Variants in CERS6 observed in about 807,000 individuals in gnomAD.
CERS6 encodes the protein ceramide synthase 6.
CERS6 carries 26 observed loss-of-function variants against 56.8 expected under a neutral mutation model. That is an observed-to-expected ratio of 0.46 (90% CI 0.34 to 0.63). CERS6 has a LOEUF of 0.63. Ranked by LOEUF, CERS6 falls within the 30% of genes least tolerant of loss-of-function variation. The pLI is 0.01. For synonymous variants in CERS6, 164 were observed against 173.3 expected, an observed-to-expected ratio of 0.95 and a Z score of 0.42; for missense variants, 415 against 467.5, an observed-to-expected ratio of 0.89 and a Z score of 1.04.
chr2:168,697,073 G>A (rs1686670132), intron 6 of CERS6, among the ~76,000 whole-genome samples: 1 of 152,064 alleles, frequency 6.6e-6, no homozygotes, highest in Admixed American at 6.5e-5. Flanking sequence ...GGAGTCTGTG[G>A]GCCTACTACT....
chr2:168,635,244 G>A (rs1395408383), intron 4 of CERS6, among the ~76,000 whole-genome samples: 1 of 152,160 alleles, frequency 6.6e-6, no homozygotes, highest in Non-Finnish European at 1.5e-5. Context: ...AGCCAGAGAA[G>A]ACTTCTGACA....
chr2:168,493,105 T>G (rs1324844126), intron 1 of CERS6, among the ~76,000 whole-genome samples: 1 of 152,184 alleles, frequency 6.6e-6, no homozygotes, highest in Non-Finnish European at 1.5e-5. Context: ...TGTTACAAAC[T>G]CCTTGCAAAC....
chr2:168,732,977 A>G (rs1683592351), intron 8 of CERS6, among the ~76,000 whole-genome samples: 1 of 152,230 alleles, frequency 6.6e-6, no homozygotes, highest in Non-Finnish European at 1.5e-5. Flanking sequence ...TGTAAAAAAA[A>G]AGATACAGTG....
rs556099227 is a variant in CERS6, at chr2:168,730,156, C to T, written c.845+12178C>T. On this transcript the variant is annotated intron_variant, in intron 8 of 9. Transcript: ENST00000305747. ...AGTAGCTTTCAAAAGCAGGAGCATCCCAGCCACTGAATTGTTTTGATCAGA... is the reference window on the plus strand; with the variant it reads ...AGTAGCTTTCAAAAGCAGGAGCATCTCAGCCACTGAATTGTTTTGATCAGA... Among the ~76,000 whole-genome samples the T allele has an allele frequency of 3.9e-5, 6 of 152,294 alleles. No homozygotes were observed. The South Asian group carries it at 1.2e-3, about 32-fold the overall frequency.
At chr2:168,620,494 C>A (rs943982290) in intron 3 of CERS6, among the ~76,000 whole-genome samples, 4 of 152,030 alleles carry the variant, frequency 2.6e-5, no homozygotes, top group Non-Finnish European at 5.9e-5. Context: ...CATTCCTGTT[C>A]ATGTTAATTT....
chr2:168,665,952 C>CTGTGTG (rs58913968), intron 4 of CERS6, among the ~76,000 whole-genome samples: 5,361 of 143,232 alleles, frequency 0.037, 154 homozygotes, highest in African/African-American at 0.068. Context: ...AATTAGTAGA[C>CTGTGTG]TGTGTGTGTG....
intron 3 of CERS6, among the ~76,000 whole-genome samples, chr2:168,600,772 G>T (rs532350476): frequency 6.6e-6 from 1 of 152,002 alleles, no homozygotes; most frequent in Non-Finnish European, 1.5e-5. Flanking sequence ...ATTTCCTATG[G>T]TATCTAATGC....
intron 8 of CERS6, among the ~76,000 whole-genome samples, chr2:168,755,524 A>G (rs1048081371): frequency 1.3e-5 from 2 of 152,168 alleles, no homozygotes; most frequent in African/African-American, 4.8e-5. Flanking sequence ...GATCAGTGCA[A>G]TAACCATGCC....
At chr2:168,735,550 C>T (rs1210991774) in intron 8 of CERS6, among the ~76,000 whole-genome samples, 1 of 152,000 alleles carries the variant, frequency 6.6e-6, no homozygotes, top group Non-Finnish European at 1.5e-5. Context: ...GTATGAAGTG[C>T]TGGTGAGCTT....
At chr2:168,491,487 GT>G (rs202067193) in intron 1 of CERS6, among the ~76,000 whole-genome samples, 2 of 146,640 alleles carry the variant, frequency 1.4e-5, no homozygotes, top group South Asian at 2.2e-4. Flanking sequence ...TCTAATCTTT[GT>G]TTTTTTTTCA....
intron 1 of CERS6, among the ~76,000 whole-genome samples, chr2:168,470,501 G>A (rs529903434): frequency 2.0e-5 from 3 of 152,300 alleles, no homozygotes; most frequent in South Asian, 2.1e-4. Context: ...ATTAAGTGTG[G>A]GTTGGAGCTT....
chr2:168,549,107 G>A (rs1695518821), intron 2 of CERS6, among the ~76,000 whole-genome samples: 1 of 151,970 alleles, frequency 6.6e-6, no homozygotes, highest in Admixed American at 6.5e-5. Context: ...AACATATTTG[G>A]AGTCTCTTTG....
chr2:168,538,603 C>T (rs1378083410), intron 1 of CERS6, among the ~76,000 whole-genome samples: 4 of 152,256 alleles, frequency 2.6e-5, no homozygotes, highest in East Asian at 3.9e-4. Flanking sequence ...CACTTCTCAC[C>T]ATCTGGCATA....
At chr2:168,665,002 T>C (rs1334228479) in intron 4 of CERS6, among the ~76,000 whole-genome samples, 1 of 152,182 alleles carries the variant, frequency 6.6e-6, no homozygotes, top group African/African-American at 2.4e-5. Flanking sequence ...CTCCAGGCTT[T>C]TTACAAAACA....
At chr2:168,484,697 G>GT (rs941659503) in intron 1 of CERS6, among the ~76,000 whole-genome samples, 2 of 151,992 alleles carry the variant, frequency 1.3e-5, no homozygotes, top group Non-Finnish European at 1.5e-5. Flanking sequence ...GTATGTATGG[G>GT]TTTTTTTCCC....
chr2:168,626,302 G>A (rs1574109591), intron 3 of CERS6, among the ~76,000 whole-genome samples: 1 of 152,086 alleles, frequency 6.6e-6, no homozygotes, highest in African/African-American at 2.4e-5. Flanking sequence ...GCCTGCCCTG[G>A]TCTCCCTAGA....
chr2:168,768,633 C>T (rs906236965), intron 9 of CERS6, among the ~76,000 whole-genome samples: 3 of 151,930 alleles, frequency 2.0e-5, no homozygotes, highest in African/African-American at 4.8e-5. Context: ...TGGCCAGGCA[C>T]GGTGTCTCAC....
chr2:168,666,632 C>T (rs1685769007), intron 4 of CERS6, among the ~76,000 whole-genome samples: 1 of 152,184 alleles, frequency 6.6e-6, no homozygotes, highest in South Asian at 2.1e-4. Context: ...CGTGAGTCTT[C>T]AGTTCATTTG....
intron 4 of CERS6, among the ~76,000 whole-genome samples, chr2:168,650,241 T>C (rs1374184204): frequency 6.6e-6 from 1 of 152,146 alleles, no homozygotes; most frequent in Non-Finnish European, 1.5e-5. Flanking sequence ...CTTTTTGCTT[T>C]CTTGCAGACA....
Sources: gnomAD v4.1 joint callset for allele counts (sites outside exome capture counted in the v4.1 genomes callset) on GRCh38, gnomAD v4.1.1 for gene constraint, MANE v1.5 for transcripts, NCBI Gene and HGNC (gene_info 2026-07-23, HGNC 2026-07-21) for gene names.